DAB1: variants seen among roughly 807,000 people sequenced by gnomAD.
The protein encoded by DAB1 is disabled homolog 1.
In DAB1, 15 loss-of-function variants were observed where a neutral mutation model predicts 64.6. That is an observed-to-expected ratio of 0.23 (90% confidence interval 0.16 to 0.36). The LOEUF (loss-of-function observed/expected upper bound fraction) is 0.36. DAB1 is among the 10% of genes least tolerant of loss of function. The pLI, the probability that DAB1 is intolerant of heterozygous loss-of-function variation, is 1.00. For missense variants in DAB1, 596 were observed against 706.7 expected (o/e 0.84, Z 1.78); for synonymous variants, 235 against 251.9 (o/e 0.93, Z 0.64).
intron 4 of DAB1, among the ~76,000 whole-genome samples, chr1:58,188,644 T>C (rs1377728190): frequency 1.3e-5 from 2 of 152,224 alleles, no homozygotes; most frequent in South Asian, 4.1e-4. Flanking sequence ...AGAGCCTCTT[T>C]AGTGGAAATG....
chr1:57,129,384 G>T (rs1206998099), intron 4 of DAB1, among the ~76,000 whole-genome samples: 9 of 152,076 alleles, frequency 5.9e-5, no homozygotes, highest in Admixed American at 5.9e-4. Flanking sequence ...TAACCACACA[G>T]AGACCCAATT....
At chr1:57,413,284 C>A (rs1181968556) in intron 1 of DAB1, among the ~76,000 whole-genome samples, 1 of 152,212 alleles carries the variant, frequency 6.6e-6, no homozygotes, top group Non-Finnish European at 1.5e-5. Flanking sequence ...GTTGTTTTCA[C>A]ATCTGCTAAC....
chr1:57,194,201 C>T (rs1292948464), intron 2 of DAB1, among the ~76,000 whole-genome samples: 6 of 152,144 alleles, frequency 3.9e-5, no homozygotes, highest in African/African-American at 9.6e-5. Flanking sequence ...CTGACCATTA[C>T]GGCTGTTTTC....
intron 3 of DAB1, among the ~76,000 whole-genome samples, chr1:58,459,173 G>A (rs1043362086): frequency 2.0e-5 from 3 of 152,222 alleles, no homozygotes; most frequent in African/African-American, 7.2e-5. Flanking sequence ...AACACAGAGA[G>A]TGGGCTCAGG....
intron 6 of DAB1, among the ~76,000 whole-genome samples, chr1:57,769,139 G>A (rs557928707): frequency 1.6e-4 from 24 of 152,102 alleles, no homozygotes; most frequent in Admixed American, 9.8e-4. Flanking sequence ...TACATGCTCC[G>A]TGGGCTATTA....
At chr1:58,374,386 C>T (rs1262013428) in intron 3 of DAB1, among the ~76,000 whole-genome samples, 8 of 139,244 alleles carry the variant, frequency 5.7e-5, no homozygotes. Context: ...CCAGTTTCAG[C>T]TTTCTACATA....
intron 7 of DAB1, among the ~76,000 whole-genome samples, chr1:57,599,262 G>A (rs535500540): frequency 4.5e-4 from 68 of 150,668 alleles, no homozygotes; most frequent in South Asian, 2.3e-3. Context: ...AATGACCTAT[G>A]AGCAAGTGGC....
intron 3 of DAB1, among the ~76,000 whole-genome samples, chr1:58,373,491 A>C: frequency 6.6e-6 from 1 of 151,374 alleles, no homozygotes; most frequent in Non-Finnish European, 1.5e-5. Flanking sequence ...GTCCCTACAA[A>C]GGACATGAAC....
At chr1:58,365,689 T>G (rs1238323941) in intron 3 of DAB1, among the ~76,000 whole-genome samples, 1 of 152,106 alleles carries the variant, frequency 6.6e-6, no homozygotes, top group Non-Finnish European at 1.5e-5. Context: ...AACATCAACT[T>G]ATAGAAAAAT....
chr1:57,410,429 T>A (rs542263253), intron 1 of DAB1, among the ~76,000 whole-genome samples: 1 of 152,120 alleles, frequency 6.6e-6, no homozygotes, highest in African/African-American at 2.4e-5. Context: ...AACAGAACAA[T>A]TGAAGACATA....
At chr1:57,901,458 C>T (rs1335384592) in intron 5 of DAB1, among the ~76,000 whole-genome samples, 1 of 152,040 alleles carries the variant, frequency 6.6e-6, no homozygotes, top group African/African-American at 2.4e-5. Flanking sequence ...GAAATTTACT[C>T]TTCTCCAACT....
chr1:58,072,092 G>A (rs950107499), intron 5 of DAB1, among the ~76,000 whole-genome samples: 2 of 122,354 alleles, frequency 1.6e-5, no homozygotes, highest in African/African-American at 5.9e-5. Flanking sequence ...GGGTGGGGGG[G>A]GGTGGGTAGT....
chr1:57,573,782 T>C (rs1242870359), intron 7 of DAB1, among the ~76,000 whole-genome samples: 1 of 152,174 alleles, frequency 6.6e-6, no homozygotes, highest in Non-Finnish European at 1.5e-5. Flanking sequence ...TTCACAATCA[T>C]TCCATATTAC....
At chr1:57,667,416 T>G (rs1352271645) in intron 6 of DAB1, among the ~76,000 whole-genome samples, 2 of 152,162 alleles carry the variant, frequency 1.3e-5, no homozygotes, top group African/African-American at 4.8e-5. Flanking sequence ...GAGTGCTTAA[T>G]AATATCTGAC....
chr1:57,492,426 G>T (rs74074749), intron 7 of DAB1, among the ~76,000 whole-genome samples: 3,231 of 152,246 alleles, frequency 0.021, 46 homozygotes, highest in South Asian at 0.031. Context: ...CATAGCAAGA[G>T]AATTACTCTG....
intron 2 of DAB1, among the ~76,000 whole-genome samples, chr1:58,511,338 A>C (rs1316292659): frequency 6.6e-6 from 1 of 152,148 alleles, no homozygotes; most frequent in East Asian, 1.9e-4. Context: ...CAGATCTTTG[A>C]TGAGGGTACC....
intron 5 of DAB1, among the ~76,000 whole-genome samples, chr1:58,033,263 C>T (rs1570253900): frequency 2.0e-5 from 3 of 152,296 alleles, no homozygotes; most frequent in South Asian, 4.1e-4. Context: ...TATTCCTCTA[C>T]AGAAGATCCT....
intron 1 of DAB1, among the ~76,000 whole-genome samples, chr1:57,297,608 T>C (rs546052728): frequency 4.6e-5 from 7 of 152,190 alleles, no homozygotes; most frequent in Non-Finnish European, 8.8e-5. Flanking sequence ...CAATGAGTGA[T>C]ACTAAGTAAA....
At chr1:57,895,705 T>C (rs1644382438) in intron 5 of DAB1, among the ~76,000 whole-genome samples, 1 of 152,170 alleles carries the variant, frequency 6.6e-6, no homozygotes, top group Admixed American at 6.6e-5. Context: ...AATCAGCTAA[T>C]ACTAAATACA....
Sources: allele counts gnomAD v4.1 joint callset (sites outside exome capture counted in the v4.1 genomes callset), GRCh38; gene constraint gnomAD v4.1.1; transcripts MANE v1.5; gene names NCBI Gene and HGNC (gene_info 2026-07-23, HGNC 2026-07-21).